Variants in GREB1L observed in about 807,000 individuals in gnomAD.
GREB1L encodes GREB1-like protein.
In GREB1L, 17 loss-of-function variants were observed where a neutral mutation model predicts 200.8. The ratio of observed to expected loss-of-function variants is 0.08; its 90% CI spans 0.06 to 0.13. GREB1L has a LOEUF of 0.13. GREB1L is among the 10% of genes least tolerant of loss of function. The pLI is 1.00. For missense variants in GREB1L, 1,657 were observed against 2,367.7 expected, an observed-to-expected ratio of 0.70 and a Z score of 6.23; for synonymous variants, 789 against 893.0, an observed-to-expected ratio of 0.88 and a Z score of 2.08.
chr18:21,427,957 G>A (rs1258981762), intron 7 of GREB1L, among the ~76,000 whole-genome samples: 1 of 151,864 alleles, frequency 6.6e-6, no homozygotes, highest in African/African-American at 2.4e-5. Flanking sequence ...TTGGGAGGCG[G>A]AGGCGGGTGG....
chr18:21,282,959 G>C (rs1420362311), intron 1 of GREB1L, among the ~76,000 whole-genome samples: 1 of 152,292 alleles, frequency 6.6e-6, no homozygotes, highest in East Asian at 1.9e-4. Flanking sequence ...TGTATTGTAC[G>C]TTAATTACCT....
intron 7 of GREB1L, among the ~76,000 whole-genome samples, chr18:21,411,877 C>T (rs1349496772): frequency 6.6e-6 from 1 of 151,140 alleles, no homozygotes; most frequent in Non-Finnish European, 1.5e-5. Context: ...AACCCCGTCT[C>T]TACTAAAAAT....
intron 1 of GREB1L, among the ~76,000 whole-genome samples, chr18:21,257,278 C>A (rs566050661): frequency 2.0e-5 from 3 of 152,076 alleles, no homozygotes; most frequent in African/African-American, 7.2e-5. Context: ...GCAATTAAAA[C>A]GCTTAGTTTT....
intron 2 of GREB1L, chr18:21,380,434 G>C (rs1195528201): frequency 1.3e-5 from 2 of 152,136 alleles, no homozygotes; most frequent in African/African-American, 2.4e-5. Flanking sequence ...GTTAATCAGA[G>C]TTGGCATTCC....
chr18:21,482,642 A>AT (rs35313539), intron 17 of GREB1L, among the ~76,000 whole-genome samples: 2,620 of 118,052 alleles, frequency 0.022, 106 homozygotes, highest in African/African-American at 0.065. Flanking sequence ...TAGATTACAG[A>AT]TTTTTTTTTT....
intron 7 of GREB1L, among the ~76,000 whole-genome samples, chr18:21,404,449 T>A (rs1056115591): frequency 2.4e-4 from 37 of 152,174 alleles, no homozygotes; most frequent in African/African-American, 8.7e-4. Flanking sequence ...AACGGATGAA[T>A]CCAGGATCTA....
At chr18:21,352,439 T>C (rs2039447423) in intron 1 of GREB1L, among the ~76,000 whole-genome samples, 1 of 151,420 alleles carries the variant, frequency 6.6e-6, no homozygotes, top group African/African-American at 2.4e-5. Flanking sequence ...TATATATATA[T>C]AAATATATAT....
intron 4 of GREB1L, among the ~76,000 whole-genome samples, chr18:21,386,129 A>G (rs1312983076): frequency 1.3e-5 from 2 of 152,194 alleles, no homozygotes; most frequent in Non-Finnish European, 2.9e-5. Context: ...CAAGATTTAT[A>G]TTCCAAAACA....
intron 7 of GREB1L, among the ~76,000 whole-genome samples, chr18:21,404,300 T>C (rs1343515514): frequency 6.6e-6 from 1 of 152,120 alleles, no homozygotes; most frequent in Non-Finnish European, 1.5e-5. Flanking sequence ...ATCATAGCCA[T>C]CCAGTGGCAA....
chr18:21,454,580 A>G lies in GREB1L; in HGVS notation c.2182+17A>G. The G allele has an allele frequency of 6.5e-7, 1 of 1,540,530 alleles. No homozygotes were observed. The highest frequency in any genetic ancestry group is 8.8e-7 in the Non-Finnish European group (1 of 1,136,716). On this transcript the variant is annotated intron_variant, in intron 15 of 32. Coordinates refer to ENST00000424526, the MANE Select transcript of GREB1L (RefSeq NM_001142966.3). ...GACAATCAGGTAAGAGTGAACTTTC[A>G]AAGAGGAGCCCACCTAGATCCAGCT... is the stretch of plus-strand genomic sequence containing the variant.
rs534193377 is a variant in GREB1L, at chr18:21,440,109, C to CT, written c.950-152dup. On this transcript the variant is annotated intron_variant, in intron 8 of 32. Transcript: ENST00000424526. ...TTGTAATGTTAGGTTACTAATGTGG[C>CT]TTTTTTTTAAACTTTACCTCTAAAG... 7.2e-4 allele frequency among the ~76,000 whole-genome samples: 109 copies of CT among 152,034 alleles called. 1 individual carries two copies. The highest frequency in any genetic ancestry group is 2.6e-3 in the African/African-American group (108 of 41,460).
At chr18:21,326,484 G>T (rs1290992876) in intron 1 of GREB1L, among the ~76,000 whole-genome samples, 1 of 152,130 alleles carries the variant, frequency 6.6e-6, no homozygotes, top group Non-Finnish European at 1.5e-5. Flanking sequence ...ATAGCCGGTC[G>T]CTGGGGCTCC....
chr18:21,489,878 C>T (rs1396615381), intron 18 of GREB1L, 134 bp from the exon 19 acceptor site: 5 of 657,962 alleles, frequency 7.6e-6, no homozygotes, highest in Admixed American at 2.9e-5. Context: ...CCAGGTCATT[C>T]TAGAACTAAA....
intron 1 of GREB1L, among the ~76,000 whole-genome samples, chr18:21,350,977 A>AGGT (rs1261249951): frequency 6.6e-6 from 1 of 151,708 alleles, no homozygotes; most frequent in Non-Finnish European, 1.5e-5. Flanking sequence ...TGTTTTTTGG[A>AGGT]GGTGGTGGTG....
chr18:21,457,417 ATTTTG>A (rs2034819149), intron 15 of GREB1L, among the ~76,000 whole-genome samples: 1 of 152,224 alleles, frequency 6.6e-6, no homozygotes, highest in Admixed American at 6.5e-5. Flanking sequence ...ACATACCTTT[ATTTTG>A]TTATAAAAAC....
chr18:21,337,802 C>G (rs1228098150), intron 1 of GREB1L, among the ~76,000 whole-genome samples: 1 of 151,972 alleles, frequency 6.6e-6, no homozygotes, highest in Admixed American at 6.6e-5. Flanking sequence ...CTGGTTAACA[C>G]AGTGAAACCC....
intron 28 of GREB1L, 108 bp downstream of exon 28, chr18:21,514,094 G>C: frequency 9.0e-7 from 1 of 1,108,606 alleles, no homozygotes; most frequent in Admixed American, 2.8e-5. Context: ...GCTTTCCAGA[G>C]CAAAACAGTC....
intron 1 of GREB1L, among the ~76,000 whole-genome samples, chr18:21,283,700 A>C (rs1353467353): frequency 6.6e-6 from 1 of 152,194 alleles, no homozygotes; most frequent in African/African-American, 2.4e-5. Flanking sequence ...TGAGCAGGGT[A>C]CTCAAGTCAC....
rs114369128 is a variant in GREB1L, at chr18:21,498,735, C to T, written c.3392-994C>T. ...CAGCCATGGCTGACTCAGAGGGTGACGGGGAGGTTCACTGCCCAGAATGCA... is the reference window on the plus strand; with the variant it reads ...CAGCCATGGCTGACTCAGAGGGTGATGGGGAGGTTCACTGCCCAGAATGCA... On this transcript the variant is annotated intron_variant, in intron 21 of 32. Coordinates refer to ENST00000424526, the MANE Select transcript of GREB1L (RefSeq NM_001142966.3). Among the ~76,000 whole-genome samples, 1,368 of 152,234 alleles carry T rather than the reference C, an allele frequency of 9.0e-3. 23 individuals are homozygous for T. The highest frequency in any genetic ancestry group is 0.03 in the African/African-American group (1,234 of 41,536).
Sources: allele counts gnomAD v4.1 joint callset (sites outside exome capture counted in the v4.1 genomes callset), GRCh38; gene constraint gnomAD v4.1.1; transcripts MANE v1.5; gene names NCBI Gene and HGNC (gene_info 2026-07-23, HGNC 2026-07-21).